Variants in MRAP2 observed in about 807,000 individuals in gnomAD.
The protein encoded by MRAP2 is melanocortin 2 receptor accessory protein 2, also known as melanocortin-2 receptor accessory protein 2.
Under a neutral mutation model 17.4 loss-of-function variants are expected in MRAP2, and 20 were observed. That is an observed-to-expected ratio of 1.15 (90% CI 0.81 to 1.67). MRAP2 has a LOEUF of 1.67. MRAP2 is among the 40% of genes most tolerant of loss of function. The probability of loss-of-function intolerance (pLI) is 0.00; values close to 1 mark genes in which losing one functional copy is unlikely to be tolerated. For missense variants in MRAP2, 238 were observed against 240.0 expected, an observed-to-expected ratio of 0.99 and a Z score of 0.05; for synonymous variants, 96 against 88.4, an observed-to-expected ratio of 1.09 and a Z score of -0.48.
intron 3 of MRAP2, among the ~76,000 whole-genome samples, chr6:84,068,715 C>T (rs190382178): frequency 2.5e-4 from 35 of 142,382 alleles, no homozygotes; most frequent in Admixed American, 2.3e-3. Flanking sequence ...TCCGCTTGGT[C>T]GCTGTTGGTG....
At chr6:84,105,387 G>T in the MRAP2 span, among the ~76,000 whole-genome samples, 1 of 152,170 alleles carries the variant, frequency 6.6e-6, no homozygotes, top group Non-Finnish European at 1.5e-5. Flanking sequence ...AGCAAGTCAT[G>T]TCTTACATGG....
At chr6:84,131,726 C>T in the MRAP2 span, among the ~76,000 whole-genome samples, 4 of 151,960 alleles carry the variant, frequency 2.6e-5, no homozygotes, top group Non-Finnish European at 4.4e-5. Flanking sequence ...TTATCTTGAG[C>T]CTATGTGTGT....
the MRAP2 span, among the ~76,000 whole-genome samples, chr6:84,143,403 CAT>C: frequency 4.0e-5 from 6 of 151,740 alleles, no homozygotes; most frequent in African/African-American, 1.5e-4. Context: ...TTCTAATATA[CAT>C]ATATTTAAAA....
intron 1 of MRAP2, among the ~76,000 whole-genome samples, chr6:84,044,345 C>A (rs2099488418): frequency 6.6e-6 from 1 of 152,212 alleles, no homozygotes. Flanking sequence ...CGCCACCACA[C>A]CTGGCTAATT....
intron 2 of MRAP2, among the ~76,000 whole-genome samples, chr6:84,060,725 A>G (rs1247650373): frequency 1.3e-5 from 2 of 149,780 alleles, no homozygotes; most frequent in African/African-American, 2.5e-5. Flanking sequence ...TTGCTCTGTC[A>G]CCCAGGCTGC....
the MRAP2 span, among the ~76,000 whole-genome samples, chr6:84,129,999 T>A: frequency 6.6e-6 from 1 of 152,150 alleles, no homozygotes; most frequent in South Asian, 2.1e-4. Flanking sequence ...TGGCTGTGGG[T>A]TTGTCATAAA....
At chr6:84,130,880 T>C in the MRAP2 span, among the ~76,000 whole-genome samples, 1 of 152,192 alleles carries the variant, frequency 6.6e-6, no homozygotes, top group Non-Finnish European at 1.5e-5. Context: ...ATCTTAGTTA[T>C]TTCTTGTCTT....
At chr6:84,053,100 C>T (rs1291022262) in intron 1 of MRAP2, among the ~76,000 whole-genome samples, 1 of 152,154 alleles carries the variant, frequency 6.6e-6, no homozygotes, top group Non-Finnish European at 1.5e-5. Context: ...TGGGGGTCCC[C>T]ACCGTGTGCT....
At chr6:84,043,880 T>G (rs2099488302) in intron 1 of MRAP2, among the ~76,000 whole-genome samples, 1 of 152,218 alleles carries the variant, frequency 6.6e-6, no homozygotes. Flanking sequence ...TCAAAACTAG[T>G]GCTCTTTCTC....
chr6:84,050,764 G>C (rs1309999420), intron 1 of MRAP2, among the ~76,000 whole-genome samples: 1 of 152,222 alleles, frequency 6.6e-6, no homozygotes, highest in East Asian at 1.9e-4. Context: ...AGAGGTTGGT[G>C]GTCCTGGGTG....
At chr6:84,086,422 C>A (rs2099500469) in intron 3 of MRAP2, among the ~76,000 whole-genome samples, 1 of 152,130 alleles carries the variant, frequency 6.6e-6, no homozygotes, top group African/African-American at 2.4e-5. Flanking sequence ...AGTGAGAATT[C>A]CCACTTCATG....
intron 3 of MRAP2, among the ~76,000 whole-genome samples, chr6:84,070,386 A>G (rs2099495924): frequency 6.6e-6 from 1 of 152,108 alleles, no homozygotes; most frequent in African/African-American, 2.4e-5. Flanking sequence ...TTTAATTTCC[A>G]TGTATTTGCA....
rs569364421 is a variant in MRAP2 at position 84,089,551 on chromosome 6, C to T, written c.*70C>T. ...CTTTATGTAGCAAGAAATCTACATC[C>T]ACCAAAATTGTGTGTGTTTGGGGGA... On this transcript the variant is annotated 3_prime_UTR_variant, in exon 4 of 4. Coordinates refer to ENST00000257776, the MANE Select transcript of MRAP2 (RefSeq NM_138409.4). 4.6e-6 allele frequency: 7 copies of T among 1,514,550 alleles called. No individual in the cohort carries two copies. In the South Asian group the frequency reaches 7.7e-5, roughly 17 times the overall value. The allele number at this position is 1,514,550 out of a possible 1,614,324, so 93.8% of individuals were successfully genotyped here. A position where few individuals can be genotyped will look rare whatever the true frequency, so the allele number is the denominator to read the frequency against.
At chr6:84,039,258 G>T (rs544577184) in intron 1 of MRAP2, among the ~76,000 whole-genome samples, 1 of 152,274 alleles carries the variant, frequency 6.6e-6, no homozygotes, top group East Asian at 1.9e-4. Context: ...TAAAAGTCGT[G>T]ACTTGTTTTC....
the MRAP2 span, among the ~76,000 whole-genome samples, chr6:84,128,447 G>T: frequency 6.6e-6 from 1 of 152,084 alleles, no homozygotes; most frequent in African/African-American, 2.4e-5. Context: ...AACAATAGGG[G>T]ATTTGTGAAA....
intron 3 of MRAP2, among the ~76,000 whole-genome samples, chr6:84,081,240 A>G (rs143205771): frequency 6.6e-6 from 1 of 152,354 alleles, no homozygotes; most frequent in Non-Finnish European, 1.5e-5. Context: ...TCAAAGTCTC[A>G]TTATGATATG....
intron 1 of MRAP2, among the ~76,000 whole-genome samples, chr6:84,047,442 T>G (rs2099489330): frequency 6.6e-6 from 1 of 151,854 alleles, no homozygotes; most frequent in African/African-American, 2.4e-5. Flanking sequence ...TCCACCTGCC[T>G]TGGCTTCCCA....
At chr6:84,103,577 C>A in the MRAP2 span, among the ~76,000 whole-genome samples, 1 of 152,188 alleles carries the variant, frequency 6.6e-6, no homozygotes, top group African/African-American at 2.4e-5. Flanking sequence ...CAGTTTGCTC[C>A]AGTAAGCAGG....
chr6:84,120,916 G>A, the MRAP2 span, among the ~76,000 whole-genome samples: 1 of 152,112 alleles, frequency 6.6e-6, no homozygotes, highest in Non-Finnish European at 1.5e-5. Context: ...CTGAGCACTT[G>A]AAATATGGCT....
Sources: gnomAD v4.1 joint callset for allele counts (sites outside exome capture counted in the v4.1 genomes callset) on GRCh38, gnomAD v4.1.1 for gene constraint, MANE v1.5 for transcripts, NCBI Gene and HGNC (gene_info 2026-07-23, HGNC 2026-07-21) for gene names.